FABP6: variants seen among roughly 807,000 people sequenced by gnomAD.
FABP6 encodes the protein gastrotropin.
Under a neutral mutation model 14.9 loss-of-function variants are expected in FABP6, and 13 were observed. The observed-to-expected ratio is 0.87, with a 90% CI of 0.57 to 1.39. The LOEUF (loss-of-function observed/expected upper bound fraction) is 1.39. FABP6 is among the 40% of genes most tolerant of loss of function. FABP6 has a pLI of 0.00. For synonymous variants in FABP6, 75 were observed against 63.6 expected, an observed-to-expected ratio of 1.18 and a Z score of -0.85; for missense variants, 161 against 167.2, an observed-to-expected ratio of 0.96 and a Z score of 0.20.
intron 2 of FABP6, among the ~76,000 whole-genome samples, chr5:160,203,732 G>C (rs977462558): frequency 7.1e-6 from 1 of 140,806 alleles, no homozygotes; most frequent in Non-Finnish European, 1.5e-5. Context: ...ATGGAGTTTT[G>C]CTCTTGTTGC....
chr5:160,191,154 C>T (rs1759385695), intron 1 of FABP6, among the ~76,000 whole-genome samples: 2 of 151,266 alleles, frequency 1.3e-5, no homozygotes, highest in Non-Finnish European at 2.9e-5. Flanking sequence ...GGAAGATTTC[C>T]TTGTTTACTT....
chr5:160,213,907 T>C (rs1759950762), intron 3 of FABP6: 3 of 1,057,906 alleles, frequency 2.8e-6, no homozygotes, highest in African/African-American at 3.1e-5. Context: ...TTGTGTCCTA[T>C]CCCTGGGCTC....
intron 3 of FABP6, among the ~76,000 whole-genome samples, chr5:160,222,095 CT>C (rs202190021): frequency 0.069 from 8,953 of 130,236 alleles, 450 homozygotes; most frequent in East Asian, 0.36. Flanking sequence ...TTTTTCTTTT[CT>C]TTTTTTTTTT....
At position 160,238,690 on chromosome 5, in the gene FABP6, C is replaced by T; in HGVS notation, c.*31C>T. On this transcript the variant is annotated 3_prime_UTR_variant, in exon 4 of 4. Coordinates refer to ENST00000402432, the MANE Select transcript of FABP6 (RefSeq NM_001445.3). ...CAGGCCCGGCCCAGGGAGCTACAAA[C>T]CCACCAATAAAACTGATATAAGGAC... is the stretch of plus-strand genomic sequence containing the variant. 2 of 1,610,436 alleles carry T rather than the reference C, an allele frequency of 1.2e-6. No individual in the cohort carries two copies. Among genetic ancestry groups the T allele is most frequent in the Non-Finnish European group, 1.7e-6 (2 of 1,176,856 alleles).
chr5:160,227,436 AG>A (rs1220068535), upstream of FABP6, among the ~76,000 whole-genome samples: 1 of 150,534 alleles, frequency 6.6e-6, no homozygotes, highest in Non-Finnish European at 1.5e-5. Context: ...CTGAGGCAGG[AG>A]AATCGCTTAA....
intron 2 of FABP6, among the ~76,000 whole-genome samples, chr5:160,207,034 G>A (rs918229883): frequency 3.3e-5 from 5 of 152,196 alleles, no homozygotes; most frequent in Non-Finnish European, 7.3e-5. Context: ...TGAGTTAGAC[G>A]TTGCATGAAA....
At chr5:160,223,081 C>G (rs79091243) in intron 3 of FABP6, among the ~76,000 whole-genome samples, 1 of 151,722 alleles carries the variant, frequency 6.6e-6, no homozygotes, top group African/African-American at 2.4e-5. Flanking sequence ...GCTCAGGTGA[C>G]CTTCCAGCCT....
At chr5:160,199,274 A>G in intron 2 of FABP6, 1 of 1,027,138 alleles carries the variant, frequency 9.7e-7, no homozygotes, top group Admixed American at 1.9e-5. Context: ...GATGCTAATA[A>G]CAGACTTGTC....
intron 1 of FABP6, among the ~76,000 whole-genome samples, chr5:160,193,317 G>T (rs1759437304): frequency 6.6e-6 from 1 of 152,158 alleles, no homozygotes; most frequent in Admixed American, 6.5e-5. Flanking sequence ...GAGTGAAGCT[G>T]CAGACTTTCA....
intron 3 of FABP6, among the ~76,000 whole-genome samples, chr5:160,235,549 A>C (rs116097176): frequency 0.015 from 2,245 of 152,296 alleles, 54 homozygotes; most frequent in African/African-American, 0.05. Flanking sequence ...TGGGTCTCCA[A>C]GTTTTCCCCA....
At chr5:160,189,931 G>T (rs540655344) in intron 1 of FABP6, among the ~76,000 whole-genome samples, 1 of 152,268 alleles carries the variant, frequency 6.6e-6, no homozygotes, top group Admixed American at 6.5e-5. Flanking sequence ...GGCACTGTGT[G>T]TGCCCACTGT....
intron 3 of FABP6, among the ~76,000 whole-genome samples, chr5:160,214,093 TTCTTTCTTTC>T (rs1362322740): frequency 7.8e-4 from 10 of 12,890 alleles, no homozygotes; most frequent in Non-Finnish European, 1.5e-3. Context: ...GCCTTTCTCT[TTCTTTCTTTC>T]TTTCTTTCTT....
intron 3 of FABP6, 84 bp from the exon 4 acceptor site, chr5:160,238,522 T>G: frequency 8.3e-7 from 1 of 1,203,010 alleles, no homozygotes; most frequent in South Asian, 1.2e-5. Context: ...AGGCCGGGGT[T>G]GGAGACTCAT....
chr5:160,215,566 TA>T (rs1671438282), intron 3 of FABP6, among the ~76,000 whole-genome samples: 1 of 151,154 alleles, frequency 6.6e-6, no homozygotes, highest in African/African-American at 2.4e-5. Context: ...CTCACACTTG[TA>T]ATCCCAAAAC....
chr5:160,204,496 T>G (rs537267583), intron 2 of FABP6, among the ~76,000 whole-genome samples: 29 of 151,418 alleles, frequency 1.9e-4, no homozygotes, highest in African/African-American at 6.3e-4. Flanking sequence ...TTTCCTTTTT[T>G]AGGGGGGGTG....
intron 1 of FABP6, among the ~76,000 whole-genome samples, chr5:160,191,731 G>C (rs1403365094): frequency 6.6e-6 from 1 of 151,526 alleles, no homozygotes; most frequent in South Asian, 2.1e-4. Context: ...GGAGGCCGAG[G>C]CGGGCAGATC....
At chr5:160,193,268 TC>T (rs964694782) in intron 1 of FABP6, among the ~76,000 whole-genome samples, 10 of 152,264 alleles carry the variant, frequency 6.6e-5, no homozygotes, top group African/African-American at 2.4e-4. Flanking sequence ...CTGGAGTTGT[TC>T]GTTCCTCCCG....
At chr5:160,208,265 AG>A (rs1759810735) in intron 2 of FABP6, among the ~76,000 whole-genome samples, 1 of 151,972 alleles carries the variant, frequency 6.6e-6, no homozygotes. Context: ...CAATATAACT[AG>A]ATCGTTTGTC....
At chr5:160,228,535 G>T, upstream of FABP6, 1 of 456,316 alleles carries the variant, frequency 2.2e-6, no homozygotes, top group Non-Finnish European at 4.4e-6. Flanking sequence ...CCCTGCATGT[G>T]AAGTGGTACT....
Sources: gnomAD v4.1 joint callset for allele counts (sites outside exome capture counted in the v4.1 genomes callset) on GRCh38, gnomAD v4.1.1 for gene constraint, MANE v1.5 for transcripts, NCBI Gene and HGNC (gene_info 2026-07-23, HGNC 2026-07-21) for gene names.